CIITA: variants seen among roughly 807,000 people sequenced by gnomAD.
The protein encoded by CIITA is MHC class II transactivator.
CIITA carries 72 observed loss-of-function variants against 115.1 expected under a neutral mutation model. The observed-to-expected ratio is 0.63, with a 90% CI of 0.52 to 0.76. The LOEUF (loss-of-function observed/expected upper bound fraction) is 0.76, where lower values mean the gene tolerates loss of function less well. Ranked by LOEUF, CIITA falls within the 30% of genes least tolerant of loss-of-function variation. The pLI is 0.00. For missense variants in CIITA, 1,617 were observed against 1,463.8 expected (o/e 1.10, Z -1.71); for synonymous variants, 763 against 635.6 (o/e 1.20, Z -3.02).
chr16:10,914,435 T>C (rs1434583425), intron 13 of CIITA, among the ~76,000 whole-genome samples: 1 of 152,216 alleles, frequency 6.6e-6, no homozygotes, highest in Non-Finnish European at 1.5e-5. Context: ...TGTTTTTTAA[T>C]GTTTATCAAG....
Position 10,907,451 on chromosome 16 carries a change from C to T in CIITA, c.1959C>T (p.Pro653=), listed in dbSNP as rs2144726491. Residue 653 remains proline (P), a synonymous_variant, in exon 11 of 20, where the codon CCC becomes CCT. Coordinates refer to ENST00000324288, the MANE Select transcript of CIITA (RefSeq NM_000246.4). The surrounding 1 kb of genome is among the most constrained non-coding windows in gnomAD (Gnocchi z 5.0). ...GLLGRAALDS[P]PGALAELAKL... is the part of the protein sequence containing the mutation. ...TGGGCCGTGCAGCCCTCGACAGCCCCCCCGGGGCCCTGGCAGAGCTGGCCA... is the reference window on the plus strand; with the variant it reads ...TGGGCCGTGCAGCCCTCGACAGCCCTCCCGGGGCCCTGGCAGAGCTGGCCA... 1 of 1,613,316 alleles carries T rather than the reference C, an allele frequency of 6.2e-7. No homozygotes were observed. The highest frequency in any genetic ancestry group is 2.2e-5 in the East Asian group (1 of 44,870).
At position 10,923,092 on chromosome 16, in the gene CIITA, G is replaced by A. The variant is rs925856706; in HGVS notation, c.3318-136G>A. 1.9e-5 allele frequency: 15 copies of A among 772,068 alleles called. No homozygotes were observed. The highest frequency in any genetic ancestry group is 4.9e-5 in the East Asian group (2 of 40,870). The allele number at this position is 772,068 out of a possible 1,614,324, so 47.8% of individuals were successfully genotyped here. On this transcript the variant is annotated intron_variant, in intron 18 of 19. Transcript: ENST00000324288. The surrounding 1 kb of genome is among the most constrained non-coding windows in gnomAD (Gnocchi z 5.2). ...TCTCCTTTTCCCCATGACCCACACC[G>A]GTCGGTATCTTGCCAGGGGAAAAGT...
At chr16:10,918,621 C>A in intron 16 of CIITA, 95 bp downstream of exon 16, 1 of 1,057,942 alleles carries the variant, frequency 9.5e-7, no homozygotes, top group Non-Finnish European at 1.4e-6. Flanking sequence ...ACACTGAGAC[C>A]CTAGAAGCAA....
At chr16:10,869,100 T>C (rs983963413) in intron 1 of CIITA, among the ~76,000 whole-genome samples, 1 of 152,232 alleles carries the variant, frequency 6.6e-6, no homozygotes, top group Non-Finnish European at 1.5e-5. Flanking sequence ...TGTGGGGTTT[T>C]TGTGACCCTC....
upstream of CIITA, among the ~76,000 whole-genome samples, chr16:10,873,740 C>T (rs566555439): frequency 6.6e-6 from 1 of 152,270 alleles, no homozygotes; most frequent in African/African-American, 2.4e-5. Flanking sequence ...GGGACCCCAG[C>T]ATGGCAACCT....
At chr16:10,878,385 T>C (rs2036050353) in intron 1 of CIITA, among the ~76,000 whole-genome samples, 1 of 152,078 alleles carries the variant, frequency 6.6e-6, no homozygotes, top group Admixed American at 6.5e-5. Flanking sequence ...AGTGACCACC[T>C]CAAAGTCTCA....
At chr16:10,867,227 G>A (rs1258986928) in intron 1 of CIITA, among the ~76,000 whole-genome samples, 3 of 149,772 alleles carry the variant, frequency 2.0e-5, no homozygotes, top group African/African-American at 7.3e-5. Flanking sequence ...CTGGGCAACA[G>A]AGCAAGACTC....
In CIITA at chr16:10,895,390, T is replaced by C; in HGVS notation, c.161T>C (p.Met54Thr). The change falls in exon 2 of 20, where the codon ATG becomes ACG. Residue 54 changes from methionine (M) to threonine (T), a missense_variant. Met to Thr is a moderately conservative substitution (Grantham distance 81). Coordinates refer to ENST00000324288, the MANE Select transcript of CIITA (RefSeq NM_000246.4). ...TGCCTCTACCACTTCTATGACCAGA[T>C]GGACCTGGCTGGAGAAGAAGAGATT... ...PLCLYHFYDQ[M>T]DLAGEEEIEL... 6.2e-7 allele frequency: 1 copy of C among 1,614,082 alleles called. No individual in the cohort carries two copies. Among genetic ancestry groups the C allele is most frequent in the South Asian group, 1.1e-5 (1 of 91,086 alleles).
chr16:10,866,252 C>T, upstream of CIITA: 1 of 520,958 alleles, frequency 1.9e-6, no homozygotes, highest in Non-Finnish European at 3.7e-6. Context: ...AGATTCCAGG[C>T]ACTGGCCAGG....
At chr16:10,885,762 T>C (rs1172219492) in intron 1 of CIITA, among the ~76,000 whole-genome samples, 3 of 152,176 alleles carry the variant, frequency 2.0e-5, no homozygotes, top group Non-Finnish European at 2.9e-5. Flanking sequence ...CAGAGGTTTG[T>C]TTCTTTGTGA....
chr16:10,877,350 G>T lies in CIITA; in HGVS notation c.20G>T (p.Arg7Leu). 1 of 1,613,274 alleles carries T rather than the reference G, an allele frequency of 6.2e-7. No individual in the cohort carries two copies. Among genetic ancestry groups the T allele is most frequent in the Non-Finnish European group, 8.5e-7 (1 of 1,179,576 alleles). MRCLAPRPAGSYLSEPQ... is the reference protein window; with the variant it reads MRCLAPLPAGSYLSEPQ... ...TACACAATGCGTTGCCTGGCTCCAC[G>T]CCCTGCTGGGTCCTACCTGTCAGAG... Residue 7 changes from arginine to leucine, a missense_variant, in exon 1 of 20, where the codon CGC (arginine) becomes CTC (leucine). Arg to Leu is a moderately radical substitution (Grantham distance 102, BLOSUM62 -2). Coordinates refer to ENST00000324288, the MANE Select transcript of CIITA (RefSeq NM_000246.4).
intron 10 of CIITA, among the ~76,000 whole-genome samples, chr16:10,905,332 C>G (rs1168696706): frequency 6.6e-6 from 1 of 152,164 alleles, no homozygotes; most frequent in East Asian, 1.9e-4. Flanking sequence ...ATTGCTCCAG[C>G]AAGTGGTAGA....
chr16:10,906,018 C>G (rs1352487667), intron 10 of CIITA, among the ~76,000 whole-genome samples: 2 of 152,030 alleles, frequency 1.3e-5, no homozygotes, highest in African/African-American at 2.4e-5. Context: ...GAGAACTTAT[C>G]TCCACAAAAA....
intron 1 of CIITA, among the ~76,000 whole-genome samples, chr16:10,881,869 CTGTCTCTA>C (rs1424596346): frequency 6.6e-6 from 1 of 152,224 alleles, no homozygotes; most frequent in Non-Finnish European, 1.5e-5. Flanking sequence ...CTCCAACTTC[CTGTCTCTA>C]TGTTTTGGGC....
At chr16:10,887,220 G>A (rs1479648470) in intron 1 of CIITA, among the ~76,000 whole-genome samples, 1 of 152,138 alleles carries the variant, frequency 6.6e-6, no homozygotes, top group Admixed American at 6.5e-5. Context: ...AGCTTGTCAT[G>A]AGGTTGGGGA....
chr16:10,877,565 G>C (rs1194004465), intron 1 of CIITA, among the ~76,000 whole-genome samples, 183 bp downstream of exon 1: 1 of 152,214 alleles, frequency 6.6e-6, no homozygotes, highest in Non-Finnish European at 1.5e-5. Context: ...CCACCGGAGG[G>C]AGACTTCAGG....
At position 10,898,872 on chromosome 16, in the gene CIITA, A is replaced by C. The variant is rs750589724; in HGVS notation, c.359-53A>C. On this transcript the variant is annotated intron_variant, in intron 4 of 19. Coordinates refer to ENST00000324288, the MANE Select transcript of CIITA (RefSeq NM_000246.4). Reference sequence around the variant, plus strand: ...CCCAAGGTGGGTACAATAGAGACTCACCTTGGGCTTTCATTGATTGTGTGA... The same window carrying C: ...CCCAAGGTGGGTACAATAGAGACTCCCCTTGGGCTTTCATTGATTGTGTGA... The C allele has an allele frequency of 5.0e-6, 8 of 1,608,462 alleles. No homozygotes were observed. In the African/African-American group the frequency reaches 9.4e-5, roughly 19 times the overall value.
chr16:10,906,899 C>T lies in CIITA; in HGVS notation c.1407C>T (p.Leu469=), dbSNP rs952148877. The T allele has an allele frequency of 9.9e-6, 16 of 1,613,416 alleles. No individual in the cohort carries two copies. The highest frequency in any genetic ancestry group is 2.7e-5 in the African/African-American group (2 of 74,916). Residue 469 remains leucine (L), a synonymous_variant, in exon 11 of 20, where the codon CTC becomes CTT. Coordinates refer to ENST00000324288, the MANE Select transcript of CIITA (RefSeq NM_000246.4). ...PGDAYGLQDL[L]FSLGPQPLVA... ...ATGCCTATGGCCTGCAGGATCTGCTCTTCTCCCTGGGCCCACAGCCACTCG... is the reference window on the plus strand; with the variant it reads ...ATGCCTATGGCCTGCAGGATCTGCTTTTCTCCCTGGGCCCACAGCCACTCG...
Position 10,909,107 on chromosome 16 carries a change from G to A in CIITA, c.2736G>A (p.Glu912=). 4 of 1,614,210 alleles carry A rather than the reference G, an allele frequency of 2.5e-6. No individual in the cohort carries two copies. The highest frequency in any genetic ancestry group is 2.5e-6 in the Non-Finnish European group (3 of 1,180,022). ...AGACCAAGCTACTTCAGGCAGCAGA[G>A]GAGAAGTTCACCATCGAGCCTTTCA... ...HGETKLLQAA[E]EKFTIEPFKA... The change falls in exon 12 of 20, where the codon GAG becomes GAA. Residue 912 remains glutamate (E), a synonymous_variant. Coordinates refer to ENST00000324288, the MANE Select transcript of CIITA (RefSeq NM_000246.4).
Sources: gnomAD v4.1 joint callset for allele counts (sites outside exome capture counted in the v4.1 genomes callset) on GRCh38, gnomAD v4.1.1 for gene constraint, Gnocchi (gnomAD v3.1) non-coding constraint, MANE v1.5 for transcripts, NCBI Gene and HGNC (gene_info 2026-07-23, HGNC 2026-07-21) for gene names.